Variants in CCDC7 observed in about 807,000 individuals in gnomAD.
The protein encoded by CCDC7 is coiled-coil domain containing 7.
In CCDC7, 183 loss-of-function variants were observed where a neutral mutation model predicts 196.9. That is an observed-to-expected ratio of 0.93 (90% CI 0.82 to 1.05). The LOEUF (loss-of-function observed/expected upper bound fraction) is 1.05, where lower values mean the gene tolerates loss of function less well. CCDC7 is among the 50% of genes least tolerant of loss of function. The pLI is 0.00. For synonymous variants in CCDC7, 525 were observed against 484.6 expected, an observed-to-expected ratio of 1.08 and a Z score of -1.10; for missense variants, 1,540 against 1,482.2, an observed-to-expected ratio of 1.04 and a Z score of -0.64.
intron 32 of CCDC7, among the ~76,000 whole-genome samples, chr10:32,830,871 A>G (rs902086398): frequency 7.2e-5 from 11 of 152,220 alleles, no homozygotes; most frequent in African/African-American, 1.4e-4. Context: ...AATTAAATCT[A>G]ATTATATAAA....
chr10:32,491,288 A>T (rs554176797), intron 8 of CCDC7, among the ~76,000 whole-genome samples: 1 of 152,178 alleles, frequency 6.6e-6, no homozygotes, highest in African/African-American at 2.4e-5. Context: ...TATCTAGCAG[A>T]AAACTTAGTG....
chr10:32,664,788 ATC>A (rs1203219090), intron 21 of CCDC7, among the ~76,000 whole-genome samples: 5 of 152,060 alleles, frequency 3.3e-5, no homozygotes, highest in African/African-American at 1.2e-4. Context: ...GAGTACAAAT[ATC>A]TCTTTTATAT....
intron 20 of CCDC7, among the ~76,000 whole-genome samples, chr10:32,635,872 C>T (rs370025719): frequency 6.6e-6 from 1 of 151,790 alleles, no homozygotes; most frequent in African/African-American, 2.4e-5. Context: ...CACATTTAGT[C>T]TTATTATTGA....
chr10:32,594,515 T>C (rs1315439558), intron 18 of CCDC7, among the ~76,000 whole-genome samples: 4 of 152,226 alleles, frequency 2.6e-5, no homozygotes, highest in Non-Finnish European at 5.9e-5. Flanking sequence ...TTTGACTTCC[T>C]CTTTTCCTAA....
chr10:32,823,157 T>C (rs1291708175), intron 31 of CCDC7, among the ~76,000 whole-genome samples: 1 of 152,158 alleles, frequency 6.6e-6, no homozygotes, highest in Non-Finnish European at 1.5e-5. Context: ...GCTTTTTTTT[T>C]TTTGAGATGG....
intron 29 of CCDC7, among the ~76,000 whole-genome samples, chr10:32,800,559 G>A (rs929987141): frequency 6.6e-6 from 1 of 152,152 alleles, no homozygotes; most frequent in African/African-American, 2.4e-5. Context: ...CGGAATCAAT[G>A]TCAGCTCAGA....
chr10:32,789,339 A>G (rs988562216), intron 29 of CCDC7, among the ~76,000 whole-genome samples: 4 of 152,098 alleles, frequency 2.6e-5, no homozygotes, highest in African/African-American at 9.7e-5. Context: ...AAAACAGACA[A>G]CTAAGAAAAA....
chr10:32,642,070 G>A (rs533921089), intron 20 of CCDC7, among the ~76,000 whole-genome samples: 6 of 152,332 alleles, frequency 3.9e-5, no homozygotes, highest in Admixed American at 2.0e-4. Flanking sequence ...CTACTGGGGG[G>A]TGCCTCCCAG....
intron 33 of CCDC7, among the ~76,000 whole-genome samples, chr10:32,837,133 A>C (rs2092666664): frequency 1.3e-5 from 2 of 152,208 alleles, no homozygotes; most frequent in South Asian, 4.1e-4. Context: ...CAGAGTGAAC[A>C]GGCAACCTAC....
At chr10:32,503,185 T>C (rs1225724745) in intron 9 of CCDC7, among the ~76,000 whole-genome samples, 1 of 152,214 alleles carries the variant, frequency 6.6e-6, no homozygotes, top group African/African-American at 2.4e-5. Flanking sequence ...TAGTACTATG[T>C]TGAATAGAAG....
At chr10:32,756,741 C>A (rs1831734795) in intron 28 of CCDC7, among the ~76,000 whole-genome samples, 2 of 152,210 alleles carry the variant, frequency 1.3e-5, no homozygotes, top group Admixed American at 1.3e-4. Context: ...GGATCAAATT[C>A]ACACATAACA....
chr10:32,692,582 C>A (rs1456898174), intron 23 of CCDC7, among the ~76,000 whole-genome samples: 6 of 152,260 alleles, frequency 3.9e-5, no homozygotes, highest in Middle Eastern at 3.4e-3. Context: ...TAGTACCTAC[C>A]AAAGTGTTCC....
intron 20 of CCDC7, among the ~76,000 whole-genome samples, chr10:32,650,851 A>C (rs1157514018): frequency 6.6e-6 from 1 of 152,118 alleles, no homozygotes; most frequent in Non-Finnish European, 1.5e-5. Context: ...GGTGGAGCAA[A>C]ACACCCAGTC....
At chr10:32,681,259 C>T (rs1317429105) in intron 21 of CCDC7, among the ~76,000 whole-genome samples, 1 of 152,054 alleles carries the variant, frequency 6.6e-6, no homozygotes, top group African/African-American at 2.4e-5. Context: ...TTGACTGGAC[C>T]TGTGTCTGTG....
At chr10:32,681,739 ACACACACAC>A (rs1485967641) in intron 21 of CCDC7, among the ~76,000 whole-genome samples, 1 of 7,232 alleles carries the variant, frequency 1.4e-4, no homozygotes, top group African/African-American at 1.5e-3. Context: ...TTATATGTAT[ACACACACAC>A]ACACACACAC....
chr10:32,851,816 A>C (rs747268955), exon 40 of CCDC7: 1 of 1,609,606 alleles, frequency 6.2e-7, no homozygotes, highest in South Asian at 1.1e-5. Flanking sequence ...GAGGAAACTT[A>C]TGAGTACTCT....
intron 32 of CCDC7, among the ~76,000 whole-genome samples, chr10:32,832,157 C>T (rs965587159): frequency 6.6e-6 from 1 of 151,976 alleles, no homozygotes; most frequent in African/African-American, 2.4e-5. Context: ...TGAGTGTAAC[C>T]ATACAAAAGT....
chr10:32,639,366 C>T (rs1450587543), intron 20 of CCDC7, among the ~76,000 whole-genome samples: 1 of 151,882 alleles, frequency 6.6e-6, no homozygotes, highest in Non-Finnish European at 1.5e-5. Context: ...CTCTTGTGGG[C>T]ATTTAGTGCT....
chr10:32,841,000 A>G (rs71493148), intron 33 of CCDC7, among the ~76,000 whole-genome samples: 2,166 of 151,964 alleles, frequency 0.014, 26 homozygotes, highest in Non-Finnish European at 0.023. Flanking sequence ...AAGGAACATA[A>G]CATAAGGTAA....
Sources: gnomAD v4.1 joint callset for allele counts (sites outside exome capture counted in the v4.1 genomes callset) on GRCh38, gnomAD v4.1.1 for gene constraint, MANE v1.5 for transcripts, NCBI Gene and HGNC (gene_info 2026-07-23, HGNC 2026-07-21) for gene names.